Variants in ADPRHL1 observed in about 807,000 individuals in gnomAD.
ADPRHL1 encodes the protein inactive ADP-ribosyltransferase ARH2.
Under a neutral mutation model 44.1 loss-of-function variants are expected in ADPRHL1, and 43 were observed. The observed-to-expected ratio is 0.98, with a 90% CI of 0.76 to 1.26. The LOEUF (loss-of-function observed/expected upper bound fraction) is 1.26. ADPRHL1 is among the 50% of genes most tolerant of loss of function. The pLI, the probability that ADPRHL1 is intolerant of heterozygous loss-of-function variation, is 0.00. For synonymous variants in ADPRHL1, 878 were observed against 1,017.4 expected (o/e 0.86, Z 2.61); for missense variants, 2,022 against 2,496.9 (o/e 0.81, Z 4.05).
chr13:113,421,232 T>A (rs1445503993), intron 7 of ADPRHL1, among the ~76,000 whole-genome samples: 1 of 10,354 alleles, frequency 9.7e-5, no homozygotes, highest in Non-Finnish European at 1.8e-4. Context: ...AGGACACCTC[T>A]ACCCCCGGGA....
At chr13:113,416,900 T>C (rs1221468925) in intron 7 of ADPRHL1, among the ~76,000 whole-genome samples, 1 of 152,230 alleles carries the variant, frequency 6.6e-6, no homozygotes, top group Non-Finnish European at 1.5e-5. Context: ...CGTGCTCATA[T>C]GTGCGAGGGT....
Position 113,407,435 on chromosome 13 carries a change from T to G in ADPRHL1, c.1847A>C (p.Glu616Ala). Residue 616 changes from glutamate (E) to alanine (A), a missense_variant, in exon 8 of 8, where the codon GAG becomes GCG. Glu to Ala is a moderately radical substitution (Grantham distance 107). Coordinates refer to ENST00000612156, the MANE Select transcript of ADPRHL1 (RefSeq NM_001394807.1). Reference protein sequence around the residue: ...PPARFLACTAEPLPALSIATV... With the variant: ...PPARFLACTAAPLPALSIATV... ...GGCGATGCTGAGGGCCGGCAGGGGC[T>G]CAGCCGTGCAGGCCAGAAAGCGGGC... 8.1e-7 allele frequency: 1 copy of G among 1,231,976 alleles called. No homozygotes were observed. The highest frequency in any genetic ancestry group is 1.0e-6 in the Non-Finnish European group (1 of 987,990). 76.3% of individuals were successfully genotyped at this position (1,231,976 alleles called of 1,614,324 possible). A position where few individuals can be genotyped will look rare whatever the true frequency, so the allele number is the denominator to read the frequency against.
chr13:113,436,933 G>A (rs1231675992), intron 2 of ADPRHL1, among the ~76,000 whole-genome samples: 1 of 147,334 alleles, frequency 6.8e-6, no homozygotes, highest in Non-Finnish European at 1.5e-5. Context: ...GAACATAGGT[G>A]TACCCCGGGA....
rs2043807582 is a variant in ADPRHL1 at position 113,406,231 on chromosome 13, G to A, written c.3051C>T (p.Asn1017=). 2 of 1,232,158 alleles carry A rather than the reference G, an allele frequency of 1.6e-6. No homozygotes were observed. The highest frequency in any genetic ancestry group is 2.0e-6 in the Non-Finnish European group (2 of 988,010). The allele number at this position is 1,232,158 out of a possible 1,614,324, so 76.3% of individuals were successfully genotyped here. A position where few individuals can be genotyped will look rare whatever the true frequency, so the allele number is the denominator to read the frequency against. ...PAASQNLLRG[N]TSHASSSQQV... ...GCTGGCTGCTGGAGGCATGGCTGGT[G>A]TTTCCCCTCAGAAGGTTTTGTGAGG... is the stretch of plus-strand genomic sequence containing the variant. Residue 1017 remains asparagine (N), a synonymous_variant, in exon 8 of 8, where the codon AAC becomes AAT. Transcript: ENST00000612156.
intron 2 of ADPRHL1, among the ~76,000 whole-genome samples, chr13:113,436,196 C>G (rs1411279972): frequency 6.6e-6 from 1 of 151,582 alleles, no homozygotes; most frequent in Non-Finnish European, 1.5e-5. Flanking sequence ...GACCCAGCAT[C>G]CACACGTAGA....
chr13:113,440,656 T>C (rs1226777420), intron 2 of ADPRHL1, among the ~76,000 whole-genome samples: 1 of 152,142 alleles, frequency 6.6e-6, no homozygotes, highest in Non-Finnish European at 1.5e-5. Flanking sequence ...GGTTTCACTA[T>C]GTTGGCCAGG....
intron 1 of ADPRHL1, chr13:113,448,981 C>G: frequency 1.0e-6 from 1 of 985,794 alleles, no homozygotes; most frequent in South Asian, 4.7e-5. Flanking sequence ...CCTCCCCAGG[C>G]CTGGCACACA....
intron 1 of ADPRHL1, chr13:113,448,859 A>C (rs2044160093): frequency 1.3e-6 from 1 of 765,330 alleles, no homozygotes; most frequent in Non-Finnish European, 1.6e-6. Flanking sequence ...TGAGGGAGGA[A>C]GGCCCTGGGA....
intron 1 of ADPRHL1, among the ~76,000 whole-genome samples, chr13:113,445,485 G>A (rs901629539): frequency 2.0e-5 from 3 of 152,218 alleles, no homozygotes; most frequent in African/African-American, 4.8e-5. Flanking sequence ...CCCTCCCAAC[G>A]GCCACTTTAA....
chr13:113,399,705 A>AT lies in ADPRHL1; in HGVS notation c.*3672dup, dbSNP rs1030635370. 1.3e-5 allele frequency: 2 copies of AT among 152,062 alleles called. No homozygotes were observed. Among genetic ancestry groups the AT allele is most frequent in the East Asian group, 3.8e-4 (2 of 5,200 alleles). 9.4% of individuals were successfully genotyped at this position (152,062 alleles called of 1,614,324 possible). A position where few individuals can be genotyped will look rare whatever the true frequency, so the allele number is the denominator to read the frequency against. The stretch of plus-strand genomic sequence containing the variant: ...AGAATACAACAAATGACATTTAGTA[A>AT]TTTTTTCTGACTAACCCATTTTAGG... On this transcript the variant is annotated 3_prime_UTR_variant, in exon 8 of 8. Coordinates refer to ENST00000612156, the MANE Select transcript of ADPRHL1 (RefSeq NM_001394807.1).
intron 7 of ADPRHL1, among the ~76,000 whole-genome samples, chr13:113,414,209 C>T (rs890061128): frequency 2.0e-5 from 3 of 152,214 alleles, no homozygotes; most frequent in African/African-American, 2.4e-5. Context: ...GCTCAGAACA[C>T]GGACCAGCCT....
At chr13:113,420,162 A>G (rs569464265) in intron 7 of ADPRHL1, among the ~76,000 whole-genome samples, 1 of 152,320 alleles carries the variant, frequency 6.6e-6, no homozygotes, top group East Asian at 1.9e-4. Context: ...GTGCCGTTTT[A>G]AACAGCAGAG....
intron 3 of ADPRHL1, among the ~76,000 whole-genome samples, chr13:113,429,607 C>T (rs761600359): frequency 3.3e-5 from 5 of 152,234 alleles, no homozygotes; most frequent in African/African-American, 9.6e-5. Context: ...TTGGGAACAC[C>T]GCGTCACGTA....
chr13:113,436,789 T>C (rs1463870667), intron 2 of ADPRHL1, among the ~76,000 whole-genome samples: 8 of 13,242 alleles, frequency 6.0e-4, no homozygotes, highest in South Asian at 7.2e-3. Context: ...GGCACCCAGG[T>C]GTAGAGTGAA....
At chr13:113,452,480 C>T (rs1050336683) in intron 1 of ADPRHL1, among the ~76,000 whole-genome samples, 2 of 152,204 alleles carry the variant, frequency 1.3e-5, no homozygotes, top group Non-Finnish European at 2.9e-5. Context: ...CCATGATAAA[C>T]AGCACCCACG....
chr13:113,433,839 G>A lies in ADPRHL1; in HGVS notation c.408C>T (p.Ala136=). 1.9e-6 allele frequency: 3 copies of A among 1,566,562 alleles called. No homozygotes were observed. The highest frequency in any genetic ancestry group is 2.6e-6 in the Non-Finnish European group (3 of 1,155,700). The change falls in exon 3 of 8, where the codon GCC becomes GCT. Residue 136 remains alanine, a synonymous_variant. Coordinates refer to ENST00000612156, the MANE Select transcript of ADPRHL1 (RefSeq NM_001394807.1). The stretch of plus-strand genomic sequence containing the variant: ...TCCAGTACCGCAGGCCGATGCACAT[G>A]GCCTTGGTGGCCGCTCCAAACCCTG... ...KGSGFGAATK[A]MCIGLRYWKP...
In ADPRHL1 at chr13:113,403,841, G is replaced by A. The variant is rs1276321578; in HGVS notation, c.5441C>T (p.Ala1814Val). The A allele has an allele frequency of 3.5e-6, 4 of 1,140,482 alleles. No homozygotes were observed. Among genetic ancestry groups the A allele is most frequent in the Admixed American group, 5.3e-5 (1 of 18,884 alleles). 70.6% of individuals were successfully genotyped at this position (1,140,482 alleles called of 1,614,324 possible). A position where few individuals can be genotyped will look rare whatever the true frequency, so the allele number is the denominator to read the frequency against. Residue 1814 changes from alanine (A) to valine (V), a missense_variant, in exon 8 of 8, where the codon GCG becomes GTG. By Grantham distance (64) the Ala-to-Val change is moderately conservative (BLOSUM62 0). Around this residue, in one of 8 missense-constraint regions of ADPRHL1, gnomAD observed 205 missense variants for 250.1 expected, o/e 0.82. Coordinates refer to ENST00000612156, the MANE Select transcript of ADPRHL1 (RefSeq NM_001394807.1). ...AATGGGCTGCTCCCAGGCCCGAGGC[G>A]CCATCCCACTTGTCAAGGCCTGTTC... ...GREQALTSGMAPRAWEQPISG... is the reference protein window; with the variant it reads ...GREQALTSGMVPRAWEQPISG...
chr13:113,427,480 C>T (rs149114529), intron 4 of ADPRHL1, among the ~76,000 whole-genome samples: 3,578 of 152,282 alleles, frequency 0.023, 99 homozygotes, highest in African/African-American at 0.066. Context: ...CCACCTGCCT[C>T]GGCCTCCCAA....
At position 113,401,863 on chromosome 13, in the gene ADPRHL1, T is replaced by G. The variant is rs908806035; in HGVS notation, c.*1515A>C. The stretch of plus-strand genomic sequence containing the variant: ...CCACTGGCGTCTGCCGGGATGGACC[T>G]TCCCTGGAAGGAGAGACCTCAGCCC... On this transcript the variant is annotated 3_prime_UTR_variant, in exon 8 of 8. Coordinates refer to ENST00000612156, the MANE Select transcript of ADPRHL1 (RefSeq NM_001394807.1). The surrounding 1 kb of genome is among the most constrained non-coding windows in gnomAD (Gnocchi z 5.5). 3 of 152,276 alleles carry G rather than the reference T, an allele frequency of 2.0e-5. No individual in the cohort carries two copies. Among genetic ancestry groups the G allele is most frequent in the African/African-American group, 7.2e-5 (3 of 41,478 alleles). 9.4% of individuals were successfully genotyped at this position (152,276 alleles called of 1,614,324 possible). A position where few individuals can be genotyped will look rare whatever the true frequency, so the allele number is the denominator to read the frequency against.
Sources: allele counts gnomAD v4.1 joint callset (sites outside exome capture counted in the v4.1 genomes callset), GRCh38; gene constraint gnomAD v4.1.1; regional missense constraint gnomAD v4.1.1; non-coding constraint Gnocchi (gnomAD v3.1); transcripts MANE v1.5; gene names NCBI Gene and HGNC (gene_info 2026-07-23, HGNC 2026-07-21).